The following CACNB2 variants were observed in gnomAD, a reference collection of about 807,000 sequenced individuals.
CACNB2 encodes the protein calcium voltage-gated channel auxiliary subunit beta 2.
Under a neutral mutation model 73.3 loss-of-function variants are expected in CACNB2, and 42 were observed. The observed-to-expected ratio is 0.57, with a 90% CI of 0.45 to 0.74. The LOEUF (loss-of-function observed/expected upper bound fraction) is 0.74, where lower values mean the gene tolerates loss of function less well. Ranked by LOEUF, CACNB2 falls within the 30% of genes least tolerant of loss-of-function variation. CACNB2 has a pLI of 0.00. For synonymous variants in CACNB2, 348 were observed against 310.3 expected, an observed-to-expected ratio of 1.12 and a Z score of -1.28; for missense variants, 940 against 853.0, an observed-to-expected ratio of 1.10 and a Z score of -1.27.
chr10:18,529,761 G>GA (rs1230323866), intron 10 of CACNB2, among the ~76,000 whole-genome samples: 1 of 152,152 alleles, frequency 6.6e-6, no homozygotes, highest in Non-Finnish European at 1.5e-5. Flanking sequence ...CTGTTCTCAG[G>GA]AAAAAATGTG....
At chr10:18,411,633 G>T (rs540640853) in intron 3 of CACNB2, among the ~76,000 whole-genome samples, 7 of 150,588 alleles carry the variant, frequency 4.6e-5, no homozygotes, top group African/African-American at 1.5e-4. Flanking sequence ...CTCAGCCTCC[G>T]GAGTAGCTGG....
At chr10:18,363,328 C>G (rs150347960) in intron 2 of CACNB2, among the ~76,000 whole-genome samples, 1 of 152,148 alleles carries the variant, frequency 6.6e-6, no homozygotes, top group African/African-American at 2.4e-5. Context: ...GGTTTCTGTA[C>G]AAGCACCAAG....
chr10:18,362,066 C>T (rs1175099196), intron 2 of CACNB2, among the ~76,000 whole-genome samples: 2 of 152,182 alleles, frequency 1.3e-5, no homozygotes. Context: ...TGGGCTCAAG[C>T]AATCCTCCTG....
chr10:18,178,356 C>G (rs1470668107), intron 2 of CACNB2, among the ~76,000 whole-genome samples: 1 of 152,118 alleles, frequency 6.6e-6, no homozygotes, highest in Non-Finnish European at 1.5e-5. Flanking sequence ...TTTGTTAGAG[C>G]CTAATCTTCT....
intron 2 of CACNB2, among the ~76,000 whole-genome samples, chr10:18,364,296 A>G (rs1012267810): frequency 8.2e-6 from 1 of 121,564 alleles, no homozygotes; most frequent in African/African-American, 3.0e-5. Context: ...TGGATTTTTA[A>G]CTAATTTTTT....
At chr10:18,223,397 T>G (rs955910063) in intron 2 of CACNB2, among the ~76,000 whole-genome samples, 3 of 152,230 alleles carry the variant, frequency 2.0e-5, no homozygotes, top group Non-Finnish European at 4.4e-5. Flanking sequence ...GAAATTTCAT[T>G]TAGCATATTT....
chr10:18,449,984 G>C (rs564074288), intron 3 of CACNB2, among the ~76,000 whole-genome samples: 1 of 152,252 alleles, frequency 6.6e-6, no homozygotes, highest in Non-Finnish European at 1.5e-5. Context: ...AAGACCCGGG[G>C]CTGGCGGCAT....
intron 3 of CACNB2, among the ~76,000 whole-genome samples, chr10:18,484,560 A>AGAAGAGAGTGCTCAAATTAGTGT (rs2048962556): frequency 1.3e-5 from 2 of 152,190 alleles, no homozygotes; most frequent in Non-Finnish European, 2.9e-5. Context: ...AACCAAGGGA[A>AGAAGAGAGTGCTCAAATTAGTGT]GAAGAGAGTG....
chr10:18,155,648 T>A (rs1240848040), intron 2 of CACNB2, among the ~76,000 whole-genome samples: 2 of 152,178 alleles, frequency 1.3e-5, no homozygotes, highest in African/African-American at 4.8e-5. Context: ...TCCAAGATGG[T>A]TGTACCAGTT....
intron 2 of CACNB2, among the ~76,000 whole-genome samples, chr10:18,160,244 A>G (rs1280031926): frequency 2.0e-5 from 3 of 152,178 alleles, no homozygotes; most frequent in Non-Finnish European, 4.4e-5. Flanking sequence ...TATTTGGAAC[A>G]CTTTATAAAC....
At chr10:18,308,326 G>T (rs751694307) in intron 2 of CACNB2, among the ~76,000 whole-genome samples, 15 of 152,076 alleles carry the variant, frequency 9.9e-5, no homozygotes, top group Non-Finnish European at 1.6e-4. Flanking sequence ...AAATGTTCAC[G>T]TTCAGGGGTA....
rs199908591 is a variant in CACNB2 at position 18,518,353 on chromosome 10, G to C, written c.822G>C (p.Pro274=). ...PFFKKTEHTP[P]YDVVPSMRPV... ...CTCTGCAGACAGAGCACACTCCTCC[G>C]TATGATGTGGTACCTTCCATGCGAC... is the stretch of plus-strand genomic sequence containing the variant. The change falls in exon 8 of 14, where the codon CCG becomes CCC. Residue 274 remains proline, a synonymous_variant. Transcript: ENST00000324631. 1.2e-6 allele frequency: 2 copies of C among 1,613,106 alleles called. No homozygotes were observed. Among genetic ancestry groups the C allele is most frequent in the Non-Finnish European group, 8.5e-7 (1 of 1,179,082 alleles).
At chr10:18,326,709 A>G (rs562780293) in intron 2 of CACNB2, among the ~76,000 whole-genome samples, 42 of 152,284 alleles carry the variant, frequency 2.8e-4, no homozygotes, top group African/African-American at 9.4e-4. Context: ...ATGCTCCTTC[A>G]TGTTAATTCA....
At chr10:18,333,464 GAC>G (rs2040881982) in intron 2 of CACNB2, among the ~76,000 whole-genome samples, 1 of 151,556 alleles carries the variant, frequency 6.6e-6, no homozygotes, top group South Asian at 2.1e-4. Flanking sequence ...ACCTGTTAGA[GAC>G]AACATAGATT....
intron 6 of CACNB2, among the ~76,000 whole-genome samples, chr10:18,511,559 G>T (rs1311698606): frequency 6.6e-6 from 1 of 152,216 alleles, no homozygotes; most frequent in Non-Finnish European, 1.5e-5. Context: ...TTTCAAACTG[G>T]TAATTTGTTC....
chr10:18,338,174 C>T (rs547740101), intron 2 of CACNB2, among the ~76,000 whole-genome samples: 8 of 152,238 alleles, frequency 5.3e-5, no homozygotes, highest in African/African-American at 1.2e-4. Flanking sequence ...ATACCTGATA[C>T]GGGGTTAATA....
At chr10:18,399,508 A>G (rs553025197) in intron 2 of CACNB2, among the ~76,000 whole-genome samples, 11 of 152,230 alleles carry the variant, frequency 7.2e-5, no homozygotes, top group African/African-American at 2.2e-4. Flanking sequence ...ATATTAGTGC[A>G]GAGTGCCAGG....
chr10:18,449,673 A>G (rs2046921869), intron 3 of CACNB2, among the ~76,000 whole-genome samples: 1 of 152,262 alleles, frequency 6.6e-6, no homozygotes, highest in African/African-American at 2.4e-5. Context: ...TGAGGAAGCC[A>G]GGAACGGAGT....
At chr10:18,426,647 C>G (rs2045612576) in intron 3 of CACNB2, among the ~76,000 whole-genome samples, 1 of 152,124 alleles carries the variant, frequency 6.6e-6, no homozygotes, top group Admixed American at 6.5e-5. Context: ...CAAGACTAGC[C>G]TGGGCAACCT....
Sources: allele counts gnomAD v4.1 joint callset (sites outside exome capture counted in the v4.1 genomes callset), GRCh38; gene constraint gnomAD v4.1.1; transcripts MANE v1.5; gene names NCBI Gene and HGNC (gene_info 2026-07-23, HGNC 2026-07-21).